Variants in CFAP161 observed in about 807,000 individuals in gnomAD.
The protein encoded by CFAP161 is cilia and flagella associated protein 161.
In CFAP161, 25 loss-of-function variants were observed where a neutral mutation model predicts 29.0. The observed-to-expected ratio is 0.86, with a 90% CI of 0.63 to 1.20. The LOEUF is 1.20. Among genes scored for constraint, CFAP161 ranks in the 50% most tolerant of loss-of-function variants. The probability of loss-of-function intolerance (pLI) is 0.00; values close to 1 mark genes in which losing one functional copy is unlikely to be tolerated. For synonymous variants in CFAP161, 116 were observed against 137.4 expected (o/e 0.84, Z 1.09); for missense variants, 367 against 371.9 (o/e 0.99, Z 0.11).
intron 1 of CFAP161, among the ~76,000 whole-genome samples, chr15:81,114,356 C>T (rs566177311): frequency 6.6e-6 from 1 of 152,266 alleles, no homozygotes; most frequent in Non-Finnish European, 1.5e-5. Context: ...CTAAAAAATG[C>T]TTAGAGCCAT....
At chr15:81,139,155 A>G (rs1342002032) in intron 4 of CFAP161, among the ~76,000 whole-genome samples, 1 of 152,032 alleles carries the variant, frequency 6.6e-6, no homozygotes, top group African/African-American at 2.4e-5. Context: ...TTTTAAAAAA[A>G]TTGGCCAGGT....
intron 1 of CFAP161, among the ~76,000 whole-genome samples, chr15:81,134,854 G>A (rs891284500): frequency 3.5e-5 from 5 of 143,024 alleles, no homozygotes; most frequent in African/African-American, 1.4e-4. Flanking sequence ...TATTGACGTT[G>A]TACTCACTCA....
intron 1 of CFAP161, among the ~76,000 whole-genome samples, chr15:81,106,982 C>T (rs1266011687): frequency 2.0e-5 from 3 of 152,164 alleles, no homozygotes; most frequent in Admixed American, 2.0e-4. Flanking sequence ...GGGAGGATTG[C>T]TTGAGCCAAG....
intron 1 of CFAP161, among the ~76,000 whole-genome samples, chr15:81,109,586 C>A (rs1894416188): frequency 6.6e-6 from 1 of 152,114 alleles, no homozygotes; most frequent in Non-Finnish European, 1.5e-5. Flanking sequence ...TGCCTGTAGT[C>A]CCAGCTATTC....
chr15:81,130,501 C>A (rs1242415202), upstream of CFAP161, among the ~76,000 whole-genome samples: 21 of 152,172 alleles, frequency 1.4e-4, no homozygotes, highest in Admixed American at 1.4e-3. Flanking sequence ...GAGAGTGAGA[C>A]CATCCTGGCT....
rs139842422 is a variant in CFAP161, at chr15:81,139,338, C to T, written c.477+1203C>T. 8.6e-3 allele frequency among the ~76,000 whole-genome samples: 1,313 copies of T among 152,038 alleles called. 10 individuals are homozygous for T. The highest frequency in any genetic ancestry group is 0.015 in the Non-Finnish European group (1,046 of 67,976). On this transcript the variant is annotated intron_variant, in intron 4 of 6. Transcript: ENST00000286732. The stretch of plus-strand genomic sequence containing the variant: ...AATAAAAAATAAAAAGAAGAAGAAA[C>T]GATGCTACCAATTAAACTTTGACAC...
At chr15:81,135,542 T>A (rs1417881493) in intron 2 of CFAP161, among the ~76,000 whole-genome samples, 183 bp downstream of exon 2, 1 of 111,344 alleles carries the variant, frequency 9.0e-6, no homozygotes, top group African/African-American at 3.5e-5. Context: ...CAGGCCCCAG[T>A]GTGCGATGTT....
rs2141884551 is a variant in CFAP161 at position 81,143,660 on chromosome 15, A to G, written c.478-2A>G. The G allele has an allele frequency of 6.2e-7, 1 of 1,609,086 alleles. No individual in the cohort carries two copies. The highest frequency in any genetic ancestry group is 2.2e-5 in the East Asian group (1 of 44,716). Reference sequence around the variant, plus strand: ...AGTGCATCTGCTTGCTGTCATTTTCAGTTGTATTTGTCAAGTGACCACAGG... The same window carrying G: ...AGTGCATCTGCTTGCTGTCATTTTCGGTTGTATTTGTCAAGTGACCACAGG... On this transcript the variant is annotated splice_acceptor_variant, in intron 4 of 6. Transcript: ENST00000286732. LOFTEE classifies it high-confidence loss of function.
intron 5 of CFAP161, among the ~76,000 whole-genome samples, chr15:81,145,868 C>T (rs1171880320): frequency 2.0e-5 from 3 of 152,092 alleles, no homozygotes; most frequent in South Asian, 2.1e-4. Flanking sequence ...GAGAGAATCC[C>T]GAGAAGTGAG....
At chr15:81,128,956 GA>G (rs144456995) in intron 2 of CFAP161, among the ~76,000 whole-genome samples, 81,686 of 137,546 alleles carry the variant, frequency 0.59, 23,973 homozygotes, top group Non-Finnish European at 0.69. Flanking sequence ...TCTGTCTCGA[GA>G]AAAAAAAAAA....
intron 1 of CFAP161, among the ~76,000 whole-genome samples, chr15:81,105,287 C>T (rs1473441301): frequency 2.5e-5 from 3 of 120,518 alleles, no homozygotes; most frequent in East Asian, 2.6e-4. Flanking sequence ...TTCTTTTTTC[C>T]TTCCTTTCTT....
chr15:81,144,104 T>C (rs953474871), intron 5 of CFAP161, among the ~76,000 whole-genome samples: 1 of 152,186 alleles, frequency 6.6e-6, no homozygotes, highest in Non-Finnish European at 1.5e-5. Context: ...TGGGAGGTAC[T>C]AATCTACCCC....
intron 1 of CFAP161, among the ~76,000 whole-genome samples, chr15:81,104,371 A>G (rs540308669): frequency 2.6e-5 from 4 of 152,346 alleles, no homozygotes; most frequent in African/African-American, 9.6e-5. Flanking sequence ...GACAGTGAGC[A>G]TGGGGCAGTA....
chr15:81,111,379 T>C (rs946901260), intron 1 of CFAP161, among the ~76,000 whole-genome samples: 1 of 152,264 alleles, frequency 6.6e-6, no homozygotes, highest in African/African-American at 2.4e-5. Flanking sequence ...CTTTTGATTC[T>C]TTTCTTATTT....
chr15:81,121,076 C>T (rs933146684), intron 1 of CFAP161, among the ~76,000 whole-genome samples: 2 of 152,146 alleles, frequency 1.3e-5, no homozygotes, highest in Non-Finnish European at 2.9e-5. Context: ...TTTAGAAAAA[C>T]TTTTAAATAA....
intron 1 of CFAP161, among the ~76,000 whole-genome samples, chr15:81,112,682 A>G (rs969575140): frequency 1.3e-5 from 2 of 152,158 alleles, no homozygotes; most frequent in Non-Finnish European, 2.9e-5. Context: ...ATAGGTTTAC[A>G]AGTGCTTATT....
chr15:81,105,797 G>A (rs1248674707), intron 1 of CFAP161, among the ~76,000 whole-genome samples: 1 of 152,234 alleles, frequency 6.6e-6, no homozygotes, highest in African/African-American at 2.4e-5. Flanking sequence ...AGGATGGGTA[G>A]CTGTGTATTT....
intron 5 of CFAP161, among the ~76,000 whole-genome samples, chr15:81,147,624 T>C (rs1213253364): frequency 6.6e-6 from 1 of 152,140 alleles, no homozygotes; most frequent in African/African-American, 2.4e-5. Context: ...TATTTGTGCA[T>C]CTAAACACAG....
chr15:81,105,762 C>G (rs959436040), intron 1 of CFAP161, among the ~76,000 whole-genome samples: 5 of 152,166 alleles, frequency 3.3e-5, no homozygotes, highest in African/African-American at 1.2e-4. Context: ...ATTAAGTCCA[C>G]GTGATGTGCA....
Sources: gnomAD v4.1 joint callset for allele counts (sites outside exome capture counted in the v4.1 genomes callset) on GRCh38, gnomAD v4.1.1 for gene constraint, MANE v1.5 for transcripts, NCBI Gene and HGNC (gene_info 2026-07-23, HGNC 2026-07-21) for gene names.